Variants in PLCZ1 observed in about 807,000 individuals in gnomAD.
PLCZ1 encodes phospholipase C zeta 1, also known as 1-phosphatidylinositol 4,5-bisphosphate phosphodiesterase zeta-1.
Under a neutral mutation model 76.8 loss-of-function variants are expected in PLCZ1, and 64 were observed. That is an observed-to-expected ratio of 0.83 (90% confidence interval 0.68 to 1.03). The LOEUF is 1.03. PLCZ1 is among the 50% of genes least tolerant of loss of function. The pLI is 0.00. For synonymous variants in PLCZ1, 248 were observed against 230.8 expected (o/e 1.07, Z -0.68); for missense variants, 751 against 713.7 (o/e 1.05, Z -0.60).
chr12:18,730,082 C>T (rs749253685), intron 3 of PLCZ1, among the ~76,000 whole-genome samples: 4 of 152,034 alleles, frequency 2.6e-5, no homozygotes, highest in Non-Finnish European at 5.9e-5. Flanking sequence ...TCCCATTCTA[C>T]GGATTAAGAA....
Position 18,688,130 on chromosome 12 carries a change from T to C in PLCZ1, c.1550A>G (p.Asn517Ser), listed in dbSNP as rs1953459847. ...LVIIEVFGVP[N>S]DQMKQQTRVI... ...ACGAGTCTGCTGCTTCATTTGATCA[T>C]TTGGAACACCAAAAACTTCTATAAT... Residue 517 changes from asparagine (N) to serine (S), a missense_variant, in exon 13 of 15, where the codon AAT becomes AGT. Coordinates refer to ENST00000266505, the MANE Select transcript of PLCZ1 (RefSeq NM_033123.4). 2.5e-6 allele frequency: 4 copies of C among 1,611,808 alleles called. No individual in the cohort carries two copies. Among genetic ancestry groups the C allele is most frequent in the Non-Finnish European group, 3.4e-6 (4 of 1,179,088 alleles).
At chr12:18,651,962 C>T in the PLCZ1 span, among the ~76,000 whole-genome samples, 2 of 152,118 alleles carry the variant, frequency 1.3e-5, no homozygotes, top group South Asian at 4.1e-4. Flanking sequence ...TTCCAAAAAG[C>T]TCATCTCTCC....
At chr12:18,671,718 G>A in the PLCZ1 span, among the ~76,000 whole-genome samples, 1 of 151,986 alleles carries the variant, frequency 6.6e-6, no homozygotes, top group Non-Finnish European at 1.5e-5. Context: ...GAAGAAAAGG[G>A]AAATTTGAAT....
At chr12:18,668,584 T>C in the PLCZ1 span, among the ~76,000 whole-genome samples, 1 of 152,144 alleles carries the variant, frequency 6.6e-6, no homozygotes, top group Non-Finnish European at 1.5e-5. Context: ...ACCATCATCT[T>C]CTGGCACACT....
chr12:18,729,059 T>C (rs745731499), intron 3 of PLCZ1, among the ~76,000 whole-genome samples: 1 of 152,038 alleles, frequency 6.6e-6, no homozygotes, highest in Non-Finnish European at 1.5e-5. Flanking sequence ...ATGTTATTTA[T>C]CCTAAAATAT....
intron 13 of PLCZ1, among the ~76,000 whole-genome samples, chr12:18,685,079 T>A (rs1259041962): frequency 6.6e-6 from 1 of 152,040 alleles, no homozygotes; most frequent in Non-Finnish European, 1.5e-5. Context: ...GGTAGAATCT[T>A]TAGAGCAATA....
chr12:18,736,052 T>A, intron 3 of PLCZ1, 169 bp downstream of exon 3: 1 of 696,742 alleles, frequency 1.4e-6, no homozygotes, highest in South Asian at 2.2e-5. Context: ...TCAGATTTTC[T>A]CAACAACTAA....
chr12:18,696,338 A>G, intron 10 of PLCZ1, 72 bp from the exon 11 acceptor site: 1 of 262,580 alleles, frequency 3.8e-6, no homozygotes. Context: ...ATATATATAT[A>G]TATATATATA....
At chr12:18,728,283 C>T (rs1958864799) in intron 3 of PLCZ1, among the ~76,000 whole-genome samples, 2 of 152,140 alleles carry the variant, frequency 1.3e-5, no homozygotes, top group South Asian at 2.1e-4. Context: ...CATTCTTACA[C>T]TCAATATCCT....
At chr12:18,663,234 G>T in the PLCZ1 span, among the ~76,000 whole-genome samples, 1 of 152,008 alleles carries the variant, frequency 6.6e-6, no homozygotes, top group Non-Finnish European at 1.5e-5. Context: ...GAGCAGTTAG[G>T]CAAGAAAAGG....
rs151178295 is a variant in PLCZ1, at chr12:18,710,443, T to G, written c.714+2399A>C. Among the ~76,000 whole-genome samples the G allele has an allele frequency of 4.2e-4, 64 of 151,944 alleles. No homozygotes were observed. In the East Asian group the frequency reaches 0.012, roughly 28 times the overall value. On this transcript the variant is annotated intron_variant, in intron 6 of 14. Coordinates refer to ENST00000266505, the MANE Select transcript of PLCZ1 (RefSeq NM_033123.4). ...GGATGGAGTAGCAGGAGAGTTAAAA[T>G]AGGTAATGAAAAACTGACCACTTAT...
At chr12:18,676,800 G>A in the PLCZ1 span, among the ~76,000 whole-genome samples, 1 of 152,000 alleles carries the variant, frequency 6.6e-6, no homozygotes, top group Non-Finnish European at 1.5e-5. Context: ...AGGTCAGAAG[G>A]GAAAGATTAT....
chr12:18,719,584 T>A lies in PLCZ1; in HGVS notation c.416A>T (p.Asp139Val). Residue 139 changes from aspartate to valine, a missense_variant, in exon 5 of 15, where the codon GAT becomes GTT. Asp to Val is a radical substitution (Grantham distance 152). Coordinates refer to ENST00000266505, the MANE Select transcript of PLCZ1 (RefSeq NM_033123.4). ...TTTAAACAGTAGACATTCACGTGAA[T>A]CCATGTATCTTGTAAAACCTTCTAA... is the stretch of plus-strand genomic sequence containing the variant. ...MSLEGFTRYM[D>V]SRECLLFKNE... 2 of 1,606,618 alleles carry A rather than the reference T, an allele frequency of 1.2e-6. No homozygotes were observed. The highest frequency in any genetic ancestry group is 1.7e-6 in the Non-Finnish European group (2 of 1,176,040).
intron 3 of PLCZ1, 32 bp from the exon 4 acceptor site, chr12:18,723,574 G>A (rs999477098): frequency 3.9e-5 from 59 of 1,507,770 alleles, no homozygotes; most frequent in Middle Eastern, 3.5e-4. Flanking sequence ...GGCTCACATT[G>A]TGAGTATAAA....
At chr12:18,710,831 G>C (rs1373303525) in intron 6 of PLCZ1, among the ~76,000 whole-genome samples, 1 of 152,160 alleles carries the variant, frequency 6.6e-6, no homozygotes, top group African/African-American at 2.4e-5. Context: ...AAACCACAAT[G>C]AGATGCAATC....
intron 12 of PLCZ1, among the ~76,000 whole-genome samples, chr12:18,690,861 G>C (rs1176809837): frequency 6.6e-6 from 1 of 152,134 alleles, no homozygotes; most frequent in African/African-American, 2.4e-5. Context: ...AGGATGAAAG[G>C]CTAGAAGTGG....
downstream of PLCZ1, among the ~76,000 whole-genome samples, chr12:18,680,048 C>A (rs1435242440): frequency 2.6e-5 from 4 of 151,834 alleles, no homozygotes; most frequent in Non-Finnish European, 2.9e-5. Flanking sequence ...TCATAAGAAC[C>A]CTTTGTTGGT....
the PLCZ1 span, among the ~76,000 whole-genome samples, chr12:18,664,350 T>A: frequency 6.6e-6 from 1 of 152,170 alleles, no homozygotes; most frequent in Admixed American, 6.5e-5. Context: ...TTGTTCTCAA[T>A]AGCTTGGGGA....
chr12:18,712,788 A>T, intron 6 of PLCZ1, 54 bp downstream of exon 6: 1 of 1,586,726 alleles, frequency 6.3e-7, no homozygotes, highest in Non-Finnish European at 8.6e-7. Context: ...GAAGCAAGTA[A>T]ATTAGAATTG....
Sources: gnomAD v4.1 joint callset for allele counts (sites outside exome capture counted in the v4.1 genomes callset) on GRCh38, gnomAD v4.1.1 for gene constraint, MANE v1.5 for transcripts, NCBI Gene and HGNC (gene_info 2026-07-23, HGNC 2026-07-21) for gene names.